BMPR2: variants seen among roughly 807,000 people sequenced by gnomAD.
The protein encoded by BMPR2 is bone morphogenetic protein receptor type-2.
A neutral mutation model predicts 100.8 loss-of-function variants in BMPR2; 29 were observed. The observed-to-expected ratio is 0.29, with a 90% confidence interval of 0.21 to 0.39. BMPR2 has a LOEUF of 0.39. Among genes scored for constraint, BMPR2 ranks in the 10% least tolerant of loss-of-function variants. The pLI, the probability that BMPR2 is intolerant of heterozygous loss-of-function variation, is 1.00. For missense variants in BMPR2, 1,011 were observed against 1,274.5 expected, an observed-to-expected ratio of 0.79 and a Z score of 3.15; for synonymous variants, 382 against 442.3, an observed-to-expected ratio of 0.86 and a Z score of 1.71.
chr2:202,380,952 G>C (rs1319349230), intron 1 of BMPR2, among the ~76,000 whole-genome samples: 2 of 120,732 alleles, frequency 1.7e-5, no homozygotes, highest in African/African-American at 6.7e-5. Flanking sequence ...CCTGGCCCTG[G>C]ATTTCTTTCT....
Position 202,559,681 on chromosome 2 carries a change from C to T in BMPR2, c.2867-15C>T. 1 of 1,613,522 alleles carries T rather than the reference C, an allele frequency of 6.2e-7. No homozygotes were observed. The highest frequency in any genetic ancestry group is 8.5e-7 in the Non-Finnish European group (1 of 1,179,626). ...GTTTGTTAAATAGCTCATTTTTCTG[C>T]ACTTTTATTTTCAGTAGGTGAGTCA... On this transcript the variant is annotated splice_polypyrimidine_tract_variant and intron_variant, in intron 12 of 12. Coordinates refer to ENST00000374580, the MANE Select transcript of BMPR2 (RefSeq NM_001204.7).
intron 1 of BMPR2, among the ~76,000 whole-genome samples, chr2:202,423,425 A>G (rs1024279882): frequency 6.6e-6 from 1 of 152,204 alleles, no homozygotes; most frequent in Admixed American, 6.5e-5. Flanking sequence ...GATGCCAGAA[A>G]GAGAACAGCA....
chr2:202,438,609 C>T (rs1202629398), intron 1 of BMPR2, among the ~76,000 whole-genome samples: 1 of 150,598 alleles, frequency 6.6e-6, no homozygotes, highest in East Asian at 1.9e-4. Flanking sequence ...TTTTGCGTTT[C>T]TGATCCATTT....
intron 1 of BMPR2, among the ~76,000 whole-genome samples, chr2:202,441,192 G>A (rs567667737): frequency 5.3e-5 from 8 of 149,714 alleles, no homozygotes; most frequent in Non-Finnish European, 1.0e-4. Flanking sequence ...TGTTGCCCAG[G>A]GTGGTCTCGA....
chr2:202,484,380 C>T (rs1269345374), intron 3 of BMPR2, among the ~76,000 whole-genome samples: 4 of 151,682 alleles, frequency 2.6e-5, no homozygotes, highest in Non-Finnish European at 4.4e-5. Flanking sequence ...TCCTTCCTTC[C>T]GAAAAAAAAT....
rs563508956 is a variant in BMPR2 at position 202,411,574 on chromosome 2, T to C, written c.76+34024T>C. On this transcript the variant is annotated intron_variant, in intron 1 of 12. Coordinates refer to ENST00000374580, the MANE Select transcript of BMPR2 (RefSeq NM_001204.7). Reference sequence around the variant, plus strand: ...TGGCCCATTTTATTGTTCAGTTTGATTATGTGGTGCCTAGCAGGAGTGACT... The same window carrying C: ...TGGCCCATTTTATTGTTCAGTTTGACTATGTGGTGCCTAGCAGGAGTGACT... Among the ~76,000 whole-genome samples, 325 of 152,212 alleles carry C rather than the reference T, an allele frequency of 2.1e-3. 1 individual carries two copies. Among genetic ancestry groups the C allele is most frequent in the African/African-American group, 7.3e-3 (305 of 41,550 alleles).
intron 1 of BMPR2, among the ~76,000 whole-genome samples, chr2:202,435,376 C>CATACATATATATATATATATATATAT (rs1553500538): frequency 1.9e-5 from 2 of 103,426 alleles, no homozygotes; most frequent in African/African-American, 4.2e-5. Context: ...AAAAAAAATA[C>CATACATATATATATATATATATATAT]ATATATATAT....
intron 3 of BMPR2, among the ~76,000 whole-genome samples, chr2:202,507,021 C>T (rs192897298): frequency 1.3e-5 from 2 of 151,024 alleles, no homozygotes; most frequent in East Asian, 3.9e-4. Flanking sequence ...TGTAGTGACC[C>T]GAGATCGTGC....
At chr2:202,451,556 G>A (rs1258916768) in intron 1 of BMPR2, among the ~76,000 whole-genome samples, 1 of 152,110 alleles carries the variant, frequency 6.6e-6, no homozygotes, top group African/African-American at 2.4e-5. Flanking sequence ...AAAATTAGCC[G>A]GGTGTGGTGG....
intron 10 of BMPR2, among the ~76,000 whole-genome samples, chr2:202,544,091 G>A (rs554933764): frequency 5.9e-5 from 9 of 152,036 alleles, no homozygotes; most frequent in Admixed American, 2.0e-4. Context: ...GCAGCGAGGC[G>A]AGATCGTGCC....
At chr2:202,406,804 C>G (rs746186050) in intron 1 of BMPR2, among the ~76,000 whole-genome samples, 1 of 152,104 alleles carries the variant, frequency 6.6e-6, no homozygotes, top group Non-Finnish European at 1.5e-5. Flanking sequence ...GGCTGCTATG[C>G]AAGGATGGCA....
chr2:202,465,547 A>G (rs1692302595), intron 2 of BMPR2, among the ~76,000 whole-genome samples: 1 of 152,178 alleles, frequency 6.6e-6, no homozygotes, highest in Non-Finnish European at 1.5e-5. Context: ...AAAAGTCTAC[A>G]ATAATATACT....
intron 9 of BMPR2, among the ~76,000 whole-genome samples, chr2:202,533,838 A>G (rs1346472481): frequency 6.6e-6 from 1 of 152,196 alleles, no homozygotes; most frequent in African/African-American, 2.4e-5. Context: ...AAGGGAAAGA[A>G]TACTCATTTA....
rs776146444 is a variant in BMPR2, at chr2:202,514,982, A to G, written c.621+3A>G. 4 of 1,613,586 alleles carry G rather than the reference A, an allele frequency of 2.5e-6. No homozygotes were observed. Among genetic ancestry groups the G allele is most frequent in the Non-Finnish European group, 3.4e-6 (4 of 1,179,652 alleles). ...TAGATAATCTGAAACTGTTGGAGGT[A>G]AGTTTGCCGTTAGATTATGGACTGT... is the stretch of plus-strand genomic sequence containing the variant. On this transcript the variant is annotated splice_donor_region_variant and intron_variant, in intron 5 of 12. Transcript: ENST00000374580.
chr2:202,518,791 T>C, intron 5 of BMPR2, 31 bp from the exon 6 acceptor site: 2 of 1,553,434 alleles, frequency 1.3e-6, no homozygotes, highest in South Asian at 1.1e-5. Context: ...ATTGTGATAT[T>C]AATACCTTGC....
intron 1 of BMPR2, among the ~76,000 whole-genome samples, chr2:202,440,816 G>A (rs1424804796): frequency 6.6e-6 from 1 of 150,432 alleles, no homozygotes; most frequent in Non-Finnish European, 1.5e-5. Flanking sequence ...AGACTGGGGA[G>A]AGGGAGAGGG....
chr2:202,408,026 G>A (rs1452416834), intron 1 of BMPR2, among the ~76,000 whole-genome samples: 6 of 151,746 alleles, frequency 4.0e-5, no homozygotes, highest in African/African-American at 1.5e-4. Context: ...GTAGAGACGG[G>A]GTTTCACCGT....
intron 1 of BMPR2, among the ~76,000 whole-genome samples, chr2:202,461,281 A>T (rs1305432539): frequency 6.6e-6 from 1 of 152,194 alleles, no homozygotes; most frequent in Non-Finnish European, 1.5e-5. Context: ...TGAGGTCAGG[A>T]GTTTGAGACC....
intron 3 of BMPR2, among the ~76,000 whole-genome samples, 172 bp from the exon 4 acceptor site, chr2:202,513,547 A>G (rs1404979107): frequency 6.6e-6 from 1 of 152,224 alleles, no homozygotes; most frequent in African/African-American, 2.4e-5. Flanking sequence ...ATTAAAAAAT[A>G]TAATTTGTAA....
Sources: allele counts gnomAD v4.1 joint callset (sites outside exome capture counted in the v4.1 genomes callset), GRCh38; gene constraint gnomAD v4.1.1; transcripts MANE v1.5; gene names NCBI Gene and HGNC (gene_info 2026-07-23, HGNC 2026-07-21).